Variants in CUX2 observed in about 807,000 individuals in gnomAD.
CUX2 encodes the protein homeobox protein cut-like 2.
Under a neutral mutation model 144.8 loss-of-function variants are expected in CUX2, and 40 were observed. The observed-to-expected ratio is 0.28, with a 90% CI of 0.21 to 0.36. The LOEUF is 0.36. CUX2 is among the 10% of genes least tolerant of loss of function. The pLI is 1.00. For synonymous variants in CUX2, 827 were observed against 875.6 expected (o/e 0.94, Z 0.98); for missense variants, 1,615 against 1,994.0 (o/e 0.81, Z 3.62).
intron 1 of CUX2, among the ~76,000 whole-genome samples, chr12:111,132,835 T>A (rs753568665): frequency 2.6e-5 from 4 of 152,196 alleles, no homozygotes; most frequent in Non-Finnish European, 5.9e-5. Context: ...CCCAAAGTGC[T>A]GGGATTACAG....
At chr12:111,180,571 C>T (rs1879103281) in intron 1 of CUX2, among the ~76,000 whole-genome samples, 1 of 152,218 alleles carries the variant, frequency 6.6e-6, no homozygotes, top group Non-Finnish European at 1.5e-5. Flanking sequence ...AGGGGACACA[C>T]AGTTTGGAAA....
At chr12:111,195,595 T>C (rs1880187327) in intron 1 of CUX2, among the ~76,000 whole-genome samples, 1 of 152,204 alleles carries the variant, frequency 6.6e-6, no homozygotes, top group Non-Finnish European at 1.5e-5. Context: ...GAACCCTGGT[T>C]CTTCCACGCT....
rs1006087634 is a variant in CUX2, at chr12:111,320,160, GCCCAGGGGCCGCTCGGTGCCC to G, written c.2155_2175del (p.Arg719_Pro725del). 5 of 1,542,474 alleles carry G rather than the reference GCCCAGGGGCCGCTCGGTGCCC, an allele frequency of 3.2e-6. No individual in the cohort carries two copies. In the African/African-American group the frequency reaches 6.9e-5, roughly 21 times the overall value. Reference sequence around the variant, plus strand: ...AGGCGCTGCTGGAGATGGAGGTGGCGCCCAGGGGCCGCTCGGTGCCCCCCTCGCCCCCGGAGCGGCCATCAC... The same window carrying G: ...AGGCGCTGCTGGAGATGGAGGTGGCGCCCTCGCCCCCGGAGCGGCCATCAC... On this transcript the variant is annotated inframe_deletion, in exon 17 of 22. Coordinates refer to ENST00000261726, the MANE Select transcript of CUX2 (RefSeq NM_015267.4). This position sits in a 1 kb window ranked among gnomAD's most constrained non-coding sequence, Gnocchi z 8.1.
chr12:111,300,184 G>A (rs1418115668), intron 9 of CUX2, among the ~76,000 whole-genome samples: 2 of 152,138 alleles, frequency 1.3e-5, no homozygotes, highest in Non-Finnish European at 2.9e-5. Flanking sequence ...GCATTGCAGC[G>A]ATCACAGCTC....
chr12:111,170,932 G>A (rs2136166552), intron 1 of CUX2, among the ~76,000 whole-genome samples: 1 of 152,226 alleles, frequency 6.6e-6, no homozygotes, highest in Non-Finnish European at 1.5e-5. Context: ...AGAGATTAAG[G>A]AGGGATGGAC....
chr12:111,081,671 G>C (rs1397869327), intron 1 of CUX2, among the ~76,000 whole-genome samples: 1 of 152,216 alleles, frequency 6.6e-6, no homozygotes, highest in Non-Finnish European at 1.5e-5. Flanking sequence ...GATGAGGTGA[G>C]GAGGGGACCC....
At chr12:111,337,659 A>G (rs2136439877) in intron 19 of CUX2, among the ~76,000 whole-genome samples, 1 of 152,354 alleles carries the variant, frequency 6.6e-6, no homozygotes, top group South Asian at 2.1e-4. Flanking sequence ...ATTATCCTCC[A>G]ACACGGTGAT....
intron 1 of CUX2, among the ~76,000 whole-genome samples, chr12:111,088,128 A>C (rs143625185): frequency 6.6e-6 from 1 of 152,198 alleles, no homozygotes; most frequent in African/African-American, 2.4e-5. Context: ...TGGAGTGGGA[A>C]TGGGGTCAGG....
intron 1 of CUX2, among the ~76,000 whole-genome samples, chr12:111,164,669 G>A (rs1878013278): frequency 6.6e-6 from 1 of 152,122 alleles, no homozygotes; most frequent in Non-Finnish European, 1.5e-5. Context: ...AGCCCCCCAA[G>A]GTGTTCGTAG....
chr12:111,101,216 GGTGCCCCA>G (rs1873215409), intron 1 of CUX2, among the ~76,000 whole-genome samples: 1 of 152,108 alleles, frequency 6.6e-6, no homozygotes, highest in Non-Finnish European at 1.5e-5. Context: ...GGGGGAGGCT[GGTGCCCCA>G]GGATTGGTTC....
Position 111,034,217 on chromosome 12 carries a change from C to T in CUX2, c.40C>T (p.Arg14Ter). Residue 14 changes from arginine to a stop codon, truncating the protein, a stop_gained, in exon 1 of 22, where the codon CGA becomes TGA. Transcript: ENST00000261726. LOFTEE classifies it high-confidence loss of function. The surrounding 1 kb of genome is among the most constrained non-coding windows in gnomAD (Gnocchi z 4.2). ...NVGSMFQYWK[R>*]FDLRRLQKEL... is the part of the protein sequence containing the mutation. The stretch of plus-strand genomic sequence containing the variant: ...GGGATCGATGTTTCAATATTGGAAG[C>T]GATTTGATCTACGGCGACTCCAGGT... 1 of 1,400,530 alleles carries T rather than the reference C, an allele frequency of 7.1e-7. No homozygotes were observed. The highest frequency in any genetic ancestry group is 9.5e-7 in the Non-Finnish European group (1 of 1,048,242). 86.8% of individuals were successfully genotyped at this position (1,400,530 alleles called of 1,614,324 possible).
At chr12:111,264,437 A>G (rs532471488) in intron 4 of CUX2, among the ~76,000 whole-genome samples, 129 of 152,272 alleles carry the variant, frequency 8.5e-4, no homozygotes, top group African/African-American at 3.0e-3. Flanking sequence ...CTCCCTTTCC[A>G]TGAAAAGGCA....
chr12:111,140,281 G>T (rs1047138338), intron 1 of CUX2, among the ~76,000 whole-genome samples: 2 of 152,186 alleles, frequency 1.3e-5, no homozygotes, highest in African/African-American at 4.8e-5. Context: ...AGGCAGAGGA[G>T]CGAGAACAGC....
rs1884922194 is a variant in CUX2 at position 111,277,236 on chromosome 12, T to A, written c.301+13397T>A. The stretch of plus-strand genomic sequence containing the variant: ...GCCATAGCACCCCGCCCTCCCAGCC[T>A]GCGCAGGGAGGGGAAAGGAGATTGG... On this transcript the variant is annotated intron_variant, in intron 4 of 21. Transcript: ENST00000261726. This position sits in a 1 kb window ranked among gnomAD's most constrained non-coding sequence, Gnocchi z 5.0. Among the ~76,000 whole-genome samples, 1 of 152,022 alleles carries A rather than the reference T, an allele frequency of 6.6e-6. No individual in the cohort carries two copies. Among genetic ancestry groups the A allele is most frequent in the South Asian group, 2.1e-4 (1 of 4,818 alleles).
rs534110659 is a variant in CUX2 at position 111,122,454 on chromosome 12, G to A, written c.63+88214G>A. Reference sequence around the variant, plus strand: ...GAAAGTTCGGAATATAAAACGGGACGGGGGAGGGGAAGGATGTTTCATCAA... The same window carrying A: ...GAAAGTTCGGAATATAAAACGGGACAGGGGAGGGGAAGGATGTTTCATCAA... On this transcript the variant is annotated intron_variant, in intron 1 of 21. Coordinates refer to ENST00000261726, the MANE Select transcript of CUX2 (RefSeq NM_015267.4). Among the ~76,000 whole-genome samples the A allele has an allele frequency of 5.3e-5, 8 of 152,254 alleles. No homozygotes were observed. The South Asian group carries it at 1.0e-3, about 20-fold the overall frequency.
At chr12:111,158,990 A>G (rs1877569592) in intron 1 of CUX2, among the ~76,000 whole-genome samples, 1 of 152,158 alleles carries the variant, frequency 6.6e-6, no homozygotes, top group Non-Finnish European at 1.5e-5. Context: ...GGCGCAGGAA[A>G]TGGGAGCAAG....
chr12:111,117,961 GAAGCAGCAAGTC>G (rs1367049885), intron 1 of CUX2, among the ~76,000 whole-genome samples: 1 of 152,208 alleles, frequency 6.6e-6, no homozygotes, highest in Non-Finnish European at 1.5e-5. Flanking sequence ...ACACAGCCAG[GAAGCAGCAAGTC>G]CTAGTTCCTT....
At chr12:111,128,911 TCTC>T (rs1363051659) in intron 1 of CUX2, among the ~76,000 whole-genome samples, 7 of 152,182 alleles carry the variant, frequency 4.6e-5, no homozygotes, top group African/African-American at 1.4e-4. Flanking sequence ...TGCAGAGCCT[TCTC>T]CTGTTCTGGG....
rs572388773 is a variant in CUX2 at position 111,155,603 on chromosome 12, T to C, written c.64-58597T>C. On this transcript the variant is annotated intron_variant, in intron 1 of 21. Coordinates refer to ENST00000261726, the MANE Select transcript of CUX2 (RefSeq NM_015267.4). ...AGGGTGATGAGGTTTCTCCCATATG[T>C]TCCCAGGGAAACCACCCTAGCCTCT... Among the ~76,000 whole-genome samples the C allele has an allele frequency of 6.6e-5, 10 of 152,294 alleles. No homozygotes were observed. The East Asian group carries it at 1.9e-3, about 29-fold the overall frequency.
Sources: allele counts gnomAD v4.1 joint callset (sites outside exome capture counted in the v4.1 genomes callset), GRCh38; gene constraint gnomAD v4.1.1; non-coding constraint Gnocchi (gnomAD v3.1); transcripts MANE v1.5; gene names NCBI Gene and HGNC (gene_info 2026-07-23, HGNC 2026-07-21).